GPR39: variants seen among roughly 807,000 people sequenced by gnomAD.
The protein encoded by GPR39 is G protein-coupled receptor 39, also known as zinc sensing receptor.
In GPR39, 23 loss-of-function variants were observed where a neutral mutation model predicts 18.4. That is an observed-to-expected ratio of 1.25 (90% CI 0.90 to 1.77). GPR39 has a LOEUF of 1.77. GPR39 is among the 40% of genes most tolerant of loss of function. GPR39 has a pLI of 0.00. For synonymous variants in GPR39, 280 were observed against 257.9 expected (o/e 1.09, Z -0.82); for missense variants, 647 against 602.4 (o/e 1.07, Z -0.78).
chr2:132,630,176 G>A (rs1681623265), intron 1 of GPR39, among the ~76,000 whole-genome samples: 4 of 152,110 alleles, frequency 2.6e-5, no homozygotes, highest in Admixed American at 2.0e-4. Flanking sequence ...TGCAAAGACT[G>A]ACATCCAAGA....
At chr2:132,429,755 A>G (rs1680191577) in intron 1 of GPR39, among the ~76,000 whole-genome samples, 1 of 152,196 alleles carries the variant, frequency 6.6e-6, no homozygotes, top group African/African-American at 2.4e-5. Context: ...GGATAACCTT[A>G]TGTGATTCTC....
chr2:132,645,949 TA>T lies in GPR39; in HGVS notation c.*347del. On this transcript the variant is annotated 3_prime_UTR_variant, in exon 2 of 2. Coordinates refer to ENST00000329321, the MANE Select transcript of GPR39 (RefSeq NM_001508.3). ...ACGGACTCCCGCTCCCTACCCAGAA[TA>T]AAAGGACACCCAGAAGAAACTCACT... The T allele has an allele frequency of 1.1e-6, 1 of 919,730 alleles. No individual in the cohort carries two copies. The highest frequency in any genetic ancestry group is 1.6e-6 in the Non-Finnish European group (1 of 620,596). The allele number at this position is 919,730 out of a possible 1,614,324, so 57.0% of individuals were successfully genotyped here. A position where few individuals can be genotyped will look rare whatever the true frequency, so the allele number is the denominator to read the frequency against.
chr2:132,554,339 T>C (rs1680106207), intron 1 of GPR39, among the ~76,000 whole-genome samples: 1 of 152,182 alleles, frequency 6.6e-6, no homozygotes, highest in African/African-American at 2.4e-5. Flanking sequence ...GAAGGCCATG[T>C]GCTAGATTAC....
chr2:132,634,636 C>A (rs1681716299), intron 1 of GPR39, among the ~76,000 whole-genome samples: 1 of 152,198 alleles, frequency 6.6e-6, no homozygotes. Flanking sequence ...TGCACACGTC[C>A]TCTAAGTACT....
intron 1 of GPR39, among the ~76,000 whole-genome samples, chr2:132,419,013 T>C (rs989070880): frequency 4.6e-5 from 7 of 152,164 alleles, no homozygotes; most frequent in African/African-American, 1.7e-4. Flanking sequence ...ACTTGGAGAA[T>C]GATGGAAAGA....
intron 1 of GPR39, among the ~76,000 whole-genome samples, chr2:132,573,863 T>G (rs762328408): frequency 4.6e-5 from 7 of 152,200 alleles, no homozygotes; most frequent in Non-Finnish European, 7.3e-5. Context: ...CAAAGCCTCT[T>G]GAACTTCAAT....
chr2:132,567,024 G>A (rs1680360435), intron 1 of GPR39, among the ~76,000 whole-genome samples: 2 of 152,146 alleles, frequency 1.3e-5, no homozygotes, highest in African/African-American at 4.8e-5. Flanking sequence ...AATCCCCAAA[G>A]TAACAGTATT....
At position 132,495,090 on chromosome 2, in the gene GPR39, A is replaced by T. The variant is rs866920556; in HGVS notation, c.856+77192A>T. 3.3e-5 allele frequency among the ~76,000 whole-genome samples: 5 copies of T among 152,266 alleles called. No individual in the cohort carries two copies. In the South Asian group the frequency reaches 1.0e-3, roughly 32 times the overall value. ...AAGACACTAGGAAGAGAGTAACATA[A>T]CAAGGCCATAGAAGAGCATGTGCTG... On this transcript the variant is annotated intron_variant, in intron 1 of 1. Transcript: ENST00000329321.
At chr2:132,552,159 C>T (rs1680055743) in intron 1 of GPR39, among the ~76,000 whole-genome samples, 2 of 152,132 alleles carry the variant, frequency 1.3e-5, no homozygotes, top group African/African-American at 2.4e-5. Flanking sequence ...ACAATATTTA[C>T]ATAGTATTTA....
At chr2:132,578,897 G>C (rs1680576133) in intron 1 of GPR39, among the ~76,000 whole-genome samples, 1 of 151,906 alleles carries the variant, frequency 6.6e-6, no homozygotes, top group Non-Finnish European at 1.5e-5. Context: ...TGCTAGAAAT[G>C]TTTCAAGTTC....
chr2:132,481,095 C>T (rs192831129), intron 1 of GPR39, among the ~76,000 whole-genome samples: 1 of 152,246 alleles, frequency 6.6e-6, no homozygotes, highest in East Asian at 1.9e-4. Flanking sequence ...ATTTAATTTC[C>T]AACCTGGTCA....
intron 1 of GPR39, among the ~76,000 whole-genome samples, chr2:132,600,937 C>T (rs1681032629): frequency 6.6e-6 from 1 of 152,086 alleles, no homozygotes; most frequent in African/African-American, 2.4e-5. Flanking sequence ...CTTCTCTCAC[C>T]CTCCTCCAAC....
Position 132,646,431 on chromosome 2 carries a change from T to C in GPR39, c.*825T>C, listed in dbSNP as rs148811614. The C allele has an allele frequency of 3.7e-5, 16 of 430,074 alleles. No individual in the cohort carries two copies. In the South Asian group the frequency reaches 5.5e-4, roughly 15 times the overall value. 26.6% of individuals were successfully genotyped at this position (430,074 alleles called of 1,614,324 possible). ...CAGGGAAGTGCTTCGGATTGTCTCA[T>C]TGATATTCAAGATAGATGGTGAAAG... On this transcript the variant is annotated 3_prime_UTR_variant, in exon 2 of 2. Coordinates refer to ENST00000329321, the MANE Select transcript of GPR39 (RefSeq NM_001508.3).
intron 1 of GPR39, among the ~76,000 whole-genome samples, chr2:132,480,579 T>C (rs1681215010): frequency 6.6e-6 from 1 of 152,080 alleles, no homozygotes; most frequent in South Asian, 2.1e-4. Context: ...GAAGAGGAGT[T>C]CTCAAGATAG....
chr2:132,556,006 T>C (rs1380714545), intron 1 of GPR39, among the ~76,000 whole-genome samples: 1 of 151,956 alleles, frequency 6.6e-6, no homozygotes, highest in African/African-American at 2.4e-5. Context: ...TAGGGTGAAA[T>C]GGGAGAATTT....
chr2:132,442,518 T>C (rs1351108733), intron 1 of GPR39, among the ~76,000 whole-genome samples: 1 of 152,188 alleles, frequency 6.6e-6, no homozygotes, highest in African/African-American at 2.4e-5. Context: ...TGGTCCTGCG[T>C]CCTTGAAACA....
chr2:132,551,926 G>GA (rs1248995409), intron 1 of GPR39, among the ~76,000 whole-genome samples: 1 of 152,116 alleles, frequency 6.6e-6, no homozygotes, highest in Non-Finnish European at 1.5e-5. Flanking sequence ...GAGAAAATAA[G>GA]AAAAAACATT....
At chr2:132,633,977 T>C (rs1681699682) in intron 1 of GPR39, among the ~76,000 whole-genome samples, 1 of 141,614 alleles carries the variant, frequency 7.1e-6, no homozygotes, top group Non-Finnish European at 1.5e-5. Context: ...ACAGTGGAGT[T>C]GGTGTAGAGG....
Position 132,456,634 on chromosome 2 carries a change from G to A in GPR39, c.856+38736G>A, listed in dbSNP as rs1399006372. On this transcript the variant is annotated intron_variant, in intron 1 of 1. Coordinates refer to ENST00000329321, the MANE Select transcript of GPR39 (RefSeq NM_001508.3). ...GCTGGTACCAGTTGTTTCTTTCCAT[G>A]TTTAGTGCTTCCTTCAGGAGCTCTT... Among the ~76,000 whole-genome samples, 26 of 152,184 alleles carry A rather than the reference G, an allele frequency of 1.7e-4. 1 individual carries two copies. The highest frequency in any genetic ancestry group is 1.6e-3 in the Admixed American group (25 of 15,282).
Sources: gnomAD v4.1 joint callset for allele counts (sites outside exome capture counted in the v4.1 genomes callset) on GRCh38, gnomAD v4.1.1 for gene constraint, MANE v1.5 for transcripts, NCBI Gene and HGNC (gene_info 2026-07-23, HGNC 2026-07-21) for gene names.